GNS: variants seen among roughly 807,000 people sequenced by gnomAD.
The protein encoded by GNS is glucosamine (N-acetyl)-6-sulfatase.
GNS carries 40 observed loss-of-function variants against 69.7 expected under a neutral mutation model. The ratio of observed to expected loss-of-function variants is 0.57; its 90% CI spans 0.45 to 0.75. The LOEUF is 0.75. Ranked by LOEUF, GNS falls within the 30% of genes least tolerant of loss-of-function variation. The pLI, the probability that GNS is intolerant of heterozygous loss-of-function variation, is 0.00. For missense variants in GNS, 565 were observed against 685.5 expected (o/e 0.82, Z 1.96); for synonymous variants, 243 against 251.6 (o/e 0.97, Z 0.32).
rs1167712983 is a variant in GNS at position 64,759,207 on chromosome 12, G to A, written c.70C>T (p.Pro24Ser). The change falls in exon 1 of 14, where the codon CCA becomes TCA. Residue 24 changes from proline to serine, a missense_variant. Pro to Ser is a moderately conservative substitution (Grantham distance 74). Coordinates refer to ENST00000258145, the MANE Select transcript of GNS (RefSeq NM_002076.4). ...CCCAGCACCAGCAGTAGCAGCGCTG[G>A]GCTGCAGGAGGGCAGGTGGCGGGGG... ...GSPRHLPSCS[P>S]ALLLLVLGGC... 6.5e-7 allele frequency: 1 copy of A among 1,547,244 alleles called. No individual in the cohort carries two copies. Among genetic ancestry groups the A allele is most frequent in the South Asian group, 1.2e-5 (1 of 83,910 alleles).
At chr12:64,720,268 G>C in intron 12 of GNS, 86 bp from the exon 13 acceptor site, 1 of 907,296 alleles carries the variant, frequency 1.1e-6, no homozygotes. Context: ...TTCTAAAGGG[G>C]AAGGGAGGAG....
intron 9 of GNS, among the ~76,000 whole-genome samples, chr12:64,732,191 G>A (rs1244886): frequency 0.51 from 54,171 of 105,448 alleles, 14,442 homozygotes; most frequent in East Asian, 0.85. Flanking sequence ...TTTTTGAGAC[G>A]GAGTCTCACT....
Position 64,737,171 on chromosome 12 carries a change from C to T in GNS, c.995-64G>A. 3 of 895,462 alleles carry T rather than the reference C, an allele frequency of 3.4e-6. No individual in the cohort carries two copies. The South Asian group carries it at 3.9e-5, about 12-fold the overall frequency. 55.5% of individuals were successfully genotyped at this position (895,462 alleles called of 1,614,324 possible). A position where few individuals can be genotyped will look rare whatever the true frequency, so the allele number is the denominator to read the frequency against. On this transcript the variant is annotated intron_variant, in intron 8 of 13. Coordinates refer to ENST00000258145, the MANE Select transcript of GNS (RefSeq NM_002076.4). The stretch of plus-strand genomic sequence containing the variant: ...CAGGAGCCTTGCTCATGTTATGTTT[C>T]ACTCATTTAATCCACAGCCAAAACT...
intron 10 of GNS, among the ~76,000 whole-genome samples, chr12:64,727,270 TAAA>T (rs34941904): frequency 1.5e-5 from 2 of 137,282 alleles, no homozygotes; most frequent in Non-Finnish European, 3.1e-5. Context: ...TTTCTACTAT[TAAA>T]AAAAAAAAAA....
At chr12:64,729,976 T>C (rs544951250) in intron 9 of GNS, among the ~76,000 whole-genome samples, 1 of 152,322 alleles carries the variant, frequency 6.6e-6, no homozygotes, top group South Asian at 2.1e-4. Flanking sequence ...TAATAATACA[T>C]CTCCATTTGG....
chr12:64,729,193 T>C lies in GNS; in HGVS notation c.1099-136A>G, dbSNP rs1869307586. 1.0e-5 allele frequency: 7 copies of C among 694,908 alleles called. No individual in the cohort carries two copies. The East Asian group carries it at 1.9e-4, about 19-fold the overall frequency. 43.0% of individuals were successfully genotyped at this position (694,908 alleles called of 1,614,324 possible). On this transcript the variant is annotated intron_variant, in intron 9 of 13. Coordinates refer to ENST00000258145, the MANE Select transcript of GNS (RefSeq NM_002076.4). ...ACCTTTTATACAGCCCATACTTTGG[T>C]CTGTTTCATAGATCCAAATATAACT...
At chr12:64,727,446 C>T (rs1869242547) in intron 10 of GNS, among the ~76,000 whole-genome samples, 1 of 151,902 alleles carries the variant, frequency 6.6e-6, no homozygotes, top group South Asian at 2.1e-4. Flanking sequence ...CAAAAACAAA[C>T]AAAACCATTA....
At chr12:64,722,914 A>G in intron 11 of GNS, 92 bp downstream of exon 11, 1 of 805,760 alleles carries the variant, frequency 1.2e-6, no homozygotes, top group East Asian at 2.4e-5. Context: ...CAGGACTCAG[A>G]TGAAAGGTTT....
At chr12:64,732,055 C>G (rs948087404) in intron 9 of GNS, among the ~76,000 whole-genome samples, 21 of 151,012 alleles carry the variant, frequency 1.4e-4, no homozygotes, top group African/African-American at 5.1e-4. Context: ...GGTGCGATCT[C>G]GGCTCACTGC....
chr12:64,755,803 C>T (rs1870232927), intron 1 of GNS, among the ~76,000 whole-genome samples: 2 of 151,100 alleles, frequency 1.3e-5, no homozygotes, highest in South Asian at 2.1e-4. Flanking sequence ...CTCAGCCTCC[C>T]GAGTAGCTGG....
intron 7 of GNS, 141 bp downstream of exon 7, chr12:64,740,465 C>A: frequency 1.5e-6 from 1 of 682,106 alleles, no homozygotes. Flanking sequence ...GCTTCTGGTG[C>A]CCCATCGAAG....
At chr12:64,747,270 A>G (rs1180005361) in intron 3 of GNS, among the ~76,000 whole-genome samples, 2 of 152,242 alleles carry the variant, frequency 1.3e-5, no homozygotes, top group East Asian at 3.8e-4. Flanking sequence ...AAGTTGTTAT[A>G]ATTCAGAAAA....
Position 64,729,254 on chromosome 12 carries a change from G to T in GNS, c.1099-197C>A, listed in dbSNP as rs990001905. 20 of 594,942 alleles carry T rather than the reference G, an allele frequency of 3.4e-5. No homozygotes were observed. The East Asian group carries it at 5.7e-4, about 17-fold the overall frequency. The allele number at this position is 594,942 out of a possible 1,614,324, so 36.9% of individuals were successfully genotyped here. ...CAAACAAAATATAAAGGCTTATAAG[G>T]CTTGTATAATAGTATATCCCCCTGG... On this transcript the variant is annotated intron_variant, in intron 9 of 13. Transcript: ENST00000258145.
intron 1 of GNS, among the ~76,000 whole-genome samples, chr12:64,754,916 T>A (rs1370631426): frequency 6.6e-6 from 1 of 151,900 alleles, no homozygotes; most frequent in East Asian, 1.9e-4. Flanking sequence ...AAGTTTTTAT[T>A]AACTGCCATC....
chr12:64,745,518 C>T lies in GNS; in HGVS notation c.525+141G>A, dbSNP rs1013985311. ...TCTAGGCGTGAGCCACTACACCTGGCCACAAGTCAATAAATTTTAAGGTTT... is the reference window on the plus strand; with the variant it reads ...TCTAGGCGTGAGCCACTACACCTGGTCACAAGTCAATAAATTTTAAGGTTT... On this transcript the variant is annotated intron_variant, in intron 4 of 13. Coordinates refer to ENST00000258145, the MANE Select transcript of GNS (RefSeq NM_002076.4). The T allele has an allele frequency of 1.8e-5, 13 of 723,362 alleles. No homozygotes were observed. The South Asian group carries it at 1.9e-4, about 11-fold the overall frequency. 44.8% of individuals were successfully genotyped at this position (723,362 alleles called of 1,614,324 possible).
At chr12:64,731,602 A>G (rs879897078) in intron 9 of GNS, among the ~76,000 whole-genome samples, 7 of 152,226 alleles carry the variant, frequency 4.6e-5, no homozygotes, top group Non-Finnish European at 1.0e-4. Context: ...TTAGCATACT[A>G]TATCAGGAGA....
In GNS at chr12:64,743,328, G is replaced by C; in HGVS notation, c.625-20C>G. On this transcript the variant is annotated intron_variant, in intron 5 of 13. Transcript: ENST00000258145. Reference sequence around the variant, plus strand: ...ATTAGCCTGACACATAAAAAGATTTGTCATCTCCTACCTTACCCAACAGAT... The same window carrying C: ...ATTAGCCTGACACATAAAAAGATTTCTCATCTCCTACCTTACCCAACAGAT... The C allele has an allele frequency of 6.3e-7, 1 of 1,581,286 alleles. No individual in the cohort carries two copies. The highest frequency in any genetic ancestry group is 8.7e-7 in the Non-Finnish European group (1 of 1,150,460).
Position 64,720,184 on chromosome 12 carries a change from T to A in GNS, c.1420-2A>T. 6.3e-7 allele frequency: 1 copy of A among 1,581,220 alleles called. No individual in the cohort carries two copies. The highest frequency in any genetic ancestry group is 8.7e-7 in the Non-Finnish European group (1 of 1,150,862). On this transcript the variant is annotated splice_acceptor_variant, in intron 12 of 13. Coordinates refer to ENST00000258145, the MANE Select transcript of GNS (RefSeq NM_002076.4). LOFTEE classifies it high-confidence loss of function. Reference sequence around the variant, plus strand: ...CAGATTATAGACTTCTACAAACACCTAGAGGACATGAAAGAATGGAGGAAA... The same window carrying A: ...CAGATTATAGACTTCTACAAACACCAAGAGGACATGAAAGAATGGAGGAAA...
chr12:64,720,230 G>T, intron 12 of GNS, 48 bp from the exon 13 acceptor site: 1 of 1,262,392 alleles, frequency 7.9e-7, no homozygotes, highest in Non-Finnish European at 1.2e-6. Flanking sequence ...AAGGTTAGCC[G>T]TGAAGAAATA....
Sources: allele counts gnomAD v4.1 joint callset (sites outside exome capture counted in the v4.1 genomes callset), GRCh38; gene constraint gnomAD v4.1.1; transcripts MANE v1.5; gene names NCBI Gene and HGNC (gene_info 2026-07-23, HGNC 2026-07-21).